Variants in KIAA1217 observed in about 807,000 individuals in gnomAD.
The protein encoded by KIAA1217 is sickle tail protein homolog.
In KIAA1217, 88 loss-of-function variants were observed where a neutral mutation model predicts 163.9. That is an observed-to-expected ratio of 0.54 (90% confidence interval 0.45 to 0.64). KIAA1217 has a LOEUF of 0.64. Among genes scored for constraint, KIAA1217 ranks in the 30% least tolerant of loss-of-function variants. The pLI, the probability that KIAA1217 is intolerant of heterozygous loss-of-function variation, is 0.00. For missense variants in KIAA1217, 2,372 were observed against 2,475.0 expected (o/e 0.96, Z 0.88); for synonymous variants, 903 against 923.1 (o/e 0.98, Z 0.39).
intron 14 of KIAA1217, 40 bp downstream of exon 14, chr10:24,528,159 T>C (rs767304701): frequency 6.3e-7 from 1 of 1,590,514 alleles, no homozygotes; most frequent in Non-Finnish European, 8.6e-7. Flanking sequence ...TGGAGGTACA[T>C]GGCTTTGGGC....
At chr10:24,409,499 C>G (rs2057545259) in intron 3 of KIAA1217, among the ~76,000 whole-genome samples, 1 of 152,166 alleles carries the variant, frequency 6.6e-6, no homozygotes, top group African/African-American at 2.4e-5. Flanking sequence ...TAGGGTGATG[C>G]AGATAGTCAT....
intron 2 of KIAA1217, chr10:24,042,474 CG>C (rs1420140233): frequency 6.6e-6 from 1 of 152,114 alleles, no homozygotes; most frequent in African/African-American, 2.4e-5. Flanking sequence ...TCCTGCACAG[CG>C]GAAAGCTACA....
chr10:23,818,022 T>C (rs533119105), intron 1 of KIAA1217, among the ~76,000 whole-genome samples: 21 of 128,740 alleles, frequency 1.6e-4, no homozygotes, highest in Admixed American at 1.1e-3. Flanking sequence ...CACATATATA[T>C]ACACACATAT....
At chr10:23,738,766 G>A (rs1393510034) in intron 1 of KIAA1217, among the ~76,000 whole-genome samples, 4 of 151,988 alleles carry the variant, frequency 2.6e-5, no homozygotes, top group African/African-American at 4.8e-5. Flanking sequence ...CATATTTATC[G>A]AGCACCTACT....
rs151294798 is a variant in KIAA1217, at chr10:24,403,704, C to T, written c.553+22637C>T. ...AAATTGGATGAACTACAGAAAGAGACATTTCACTAAAGAGGAGGTACAGAT... is the reference window on the plus strand; with the variant it reads ...AAATTGGATGAACTACAGAAAGAGATATTTCACTAAAGAGGAGGTACAGAT... On this transcript the variant is annotated intron_variant, in intron 3 of 20. Coordinates refer to ENST00000376454, the MANE Select transcript of KIAA1217 (RefSeq NM_019590.5). Among the ~76,000 whole-genome samples, 372 of 152,266 alleles carry T rather than the reference C, an allele frequency of 2.4e-3. 2 individuals are homozygous for T. The highest frequency in any genetic ancestry group is 8.5e-3 in the African/African-American group (355 of 41,538).
chr10:24,505,243 TA>T, intron 9 of KIAA1217, among the ~76,000 whole-genome samples: 1 of 150,602 alleles, frequency 6.6e-6, no homozygotes, highest in Non-Finnish European at 1.5e-5. Flanking sequence ...TCCCAGTGGC[TA>T]ATCTAGTATG....
At chr10:24,539,826 TC>T (rs1191331522) in intron 17 of KIAA1217, among the ~76,000 whole-genome samples, 1 of 152,218 alleles carries the variant, frequency 6.6e-6, no homozygotes, top group African/African-American at 2.4e-5. Flanking sequence ...AAGCATTTTT[TC>T]TCCTGTCATC....
chr10:23,789,246 T>A (rs1012122683), intron 1 of KIAA1217, among the ~76,000 whole-genome samples: 1 of 152,214 alleles, frequency 6.6e-6, no homozygotes, highest in Non-Finnish European at 1.5e-5. Context: ...TTTTTAATCT[T>A]TGGTGATTCA....
chr10:24,288,561 G>A (rs897144280), intron 2 of KIAA1217, among the ~76,000 whole-genome samples: 1 of 152,202 alleles, frequency 6.6e-6, no homozygotes, highest in Non-Finnish European at 1.5e-5. Context: ...TTGCTATATA[G>A]GATGTGAATG....
intron 2 of KIAA1217, among the ~76,000 whole-genome samples, chr10:24,306,022 A>C (rs941437315): frequency 7.2e-5 from 11 of 152,220 alleles, no homozygotes; most frequent in Non-Finnish European, 4.4e-5. Flanking sequence ...CAGAGTTAAA[A>C]AAGAAGAGAG....
intron 9 of KIAA1217, 70 bp downstream of exon 9, chr10:24,501,615 C>T: frequency 1.4e-6 from 2 of 1,418,742 alleles, no homozygotes; most frequent in East Asian, 2.3e-5. Context: ...TTCCTAGGGG[C>T]TCCGTGAAGA....
At chr10:23,721,882 G>A (rs1245000166) in intron 1 of KIAA1217, among the ~76,000 whole-genome samples, 1 of 151,744 alleles carries the variant, frequency 6.6e-6, no homozygotes, top group African/African-American at 2.4e-5. Flanking sequence ...TCATTTTCTT[G>A]TGCCTACTAG....
chr10:23,769,832 T>C (rs1263369844), intron 1 of KIAA1217, among the ~76,000 whole-genome samples: 1 of 152,184 alleles, frequency 6.6e-6, no homozygotes, highest in Non-Finnish European at 1.5e-5. Context: ...TGCTACTACA[T>C]CATTCTTTCA....
intron 8 of KIAA1217, among the ~76,000 whole-genome samples, chr10:24,500,174 A>G (rs1056619690): frequency 6.9e-6 from 1 of 145,910 alleles, no homozygotes; most frequent in Non-Finnish European, 1.5e-5. Flanking sequence ...AGGAAAGAGA[A>G]CTGAACAGAA....
intron 2 of KIAA1217, among the ~76,000 whole-genome samples, chr10:24,333,270 C>T (rs560332639): frequency 3.3e-5 from 5 of 152,242 alleles, no homozygotes; most frequent in Admixed American, 3.3e-4. Context: ...AGTGATCTGC[C>T]CACCTCAGCC....
Position 24,219,766 on chromosome 10 carries a change from G to T in KIAA1217, c.211G>T (p.Gly71Trp). Residue 71 changes from glycine (G) to tryptophan (W), a missense_variant, in exon 2 of 21, where the codon GGG becomes TGG. Transcript: ENST00000376454. Reference protein sequence around the residue: ...RNIPRRHTLGGPRSSKEILGM... With the variant: ...RNIPRRHTLGWPRSSKEILGM... ...TATCCCAAGGAGACACACCCTAGGGGGGCCCCGAAGTTCCAAGGAAATACT... is the reference window on the plus strand; with the variant it reads ...TATCCCAAGGAGACACACCCTAGGGTGGCCCCGAAGTTCCAAGGAAATACT... The T allele has an allele frequency of 1.9e-6, 3 of 1,613,938 alleles. No individual in the cohort carries two copies. Among genetic ancestry groups the T allele is most frequent in the Non-Finnish European group, 2.5e-6 (3 of 1,179,916 alleles).
At chr10:23,901,886 C>T (rs982788854) in intron 1 of KIAA1217, among the ~76,000 whole-genome samples, 5 of 139,424 alleles carry the variant, frequency 3.6e-5, no homozygotes, top group Non-Finnish European at 6.0e-5. Context: ...TACACTCCAG[C>T]TTAGGTGACA....
intron 2 of KIAA1217, among the ~76,000 whole-genome samples, chr10:24,202,573 G>A (rs1479124971): frequency 6.6e-6 from 1 of 152,192 alleles, no homozygotes; most frequent in East Asian, 1.9e-4. Context: ...CCCAAAGGCT[G>A]TGCTCTGGTT....
chr10:24,545,124 C>T, intron 20 of KIAA1217, 21 bp downstream of exon 20: 1 of 1,613,892 alleles, frequency 6.2e-7, no homozygotes, highest in Non-Finnish European at 8.5e-7. Context: ...CTTAAACCCA[C>T]TTTTGGATGG....
Sources: allele counts gnomAD v4.1 joint callset (sites outside exome capture counted in the v4.1 genomes callset), GRCh38; gene constraint gnomAD v4.1.1; transcripts MANE v1.5; gene names NCBI Gene and HGNC (gene_info 2026-07-23, HGNC 2026-07-21).